The following NXPE3 variants were observed in gnomAD, a reference collection of about 807,000 sequenced individuals.
NXPE3 encodes neurexophilin and PC-esterase domain family member 3.
In NXPE3, 26 loss-of-function variants were observed where a neutral mutation model predicts 46.1. The ratio of observed to expected loss-of-function variants is 0.56; its 90% confidence interval spans 0.41 to 0.78. The LOEUF is 0.78. Among genes scored for constraint, NXPE3 ranks in the 30% least tolerant of loss-of-function variants. NXPE3 has a pLI of 0.00. For missense variants in NXPE3, 620 were observed against 686.0 expected, an observed-to-expected ratio of 0.90 and a Z score of 1.07; for synonymous variants, 272 against 257.9, an observed-to-expected ratio of 1.05 and a Z score of -0.52.
intron 6 of NXPE3, among the ~76,000 whole-genome samples, chr3:101,810,204 A>G (rs1317809960): frequency 2.0e-5 from 3 of 152,212 alleles, no homozygotes; most frequent in Non-Finnish European, 2.9e-5. Context: ...AGTTTTCATT[A>G]GTACCTGTAA....
In NXPE3 at chr3:101,826,990, G is replaced by C. The variant is rs753593248; in HGVS notation, c.*5036G>C. On this transcript the variant is annotated 3_prime_UTR_variant, in exon 8 of 8. Coordinates refer to ENST00000273347, the MANE Select transcript of NXPE3 (RefSeq NM_145037.4). Reference sequence around the variant, plus strand: ...GGAGGTTGCAGTGAGCCGAGATCATGCCATTGCACTCTAGCCTGGGCAACG... The same window carrying C: ...GGAGGTTGCAGTGAGCCGAGATCATCCCATTGCACTCTAGCCTGGGCAACG... 1.3e-5 allele frequency: 2 copies of C among 152,270 alleles called. No individual in the cohort carries two copies. The highest frequency in any genetic ancestry group is 2.4e-5 in the African/African-American group (1 of 41,418). The allele number at this position is 152,270 out of a possible 1,614,324, so 9.4% of individuals were successfully genotyped here. A position where few individuals can be genotyped will look rare whatever the true frequency, so the allele number is the denominator to read the frequency against.
At chr3:101,790,172 A>G (rs927220674) in intron 4 of NXPE3, among the ~76,000 whole-genome samples, 4 of 152,160 alleles carry the variant, frequency 2.6e-5, no homozygotes, top group South Asian at 2.1e-4. Flanking sequence ...TATATATTCT[A>G]TGTGTACTGG....
At chr3:101,788,305 A>C (rs906515498) in intron 4 of NXPE3, among the ~76,000 whole-genome samples, 1 of 152,046 alleles carries the variant, frequency 6.6e-6, no homozygotes, top group Non-Finnish European at 1.5e-5. Flanking sequence ...ATGATTTGCA[A>C]ATATTTTCTC....
At chr3:101,799,142 G>A (rs1173896281) in intron 4 of NXPE3, among the ~76,000 whole-genome samples, 7 of 151,768 alleles carry the variant, frequency 4.6e-5, no homozygotes, top group Non-Finnish European at 8.8e-5. Flanking sequence ...GTCTTGCTAT[G>A]TTTCCCAGGT....
intron 6 of NXPE3, among the ~76,000 whole-genome samples, chr3:101,809,021 T>G (rs1941586784): frequency 6.6e-6 from 1 of 151,482 alleles, no homozygotes; most frequent in African/African-American, 2.4e-5. Flanking sequence ...CAGACTCGAC[T>G]GGCTTGCCCT....
chr3:101,818,442 A>T (rs953937449), intron 7 of NXPE3, among the ~76,000 whole-genome samples: 1 of 151,934 alleles, frequency 6.6e-6, no homozygotes, highest in Non-Finnish European at 1.5e-5. Flanking sequence ...AATTCTAATG[A>T]TGTAGCTTGG....
chr3:101,787,750 A>G (rs577713775), intron 4 of NXPE3, among the ~76,000 whole-genome samples: 2 of 152,368 alleles, frequency 1.3e-5, no homozygotes, highest in South Asian at 4.1e-4. Flanking sequence ...ATATTATTCA[A>G]CCTTAAAAAG....
chr3:101,818,091 C>T (rs1029564636), intron 7 of NXPE3, among the ~76,000 whole-genome samples: 6 of 152,008 alleles, frequency 3.9e-5, no homozygotes, highest in African/African-American at 1.5e-4. Flanking sequence ...CATGGTCTCA[C>T]TGTGTTGCTC....
intron 7 of NXPE3, among the ~76,000 whole-genome samples, chr3:101,818,741 ATATATATATATATTTTTTTTTTT>A (rs1560067316): frequency 1.4e-4 from 4 of 28,400 alleles, no homozygotes; most frequent in African/African-American, 5.4e-4. Context: ...ATATATATAT[ATATATATATATATTTTTTTTTTT>A]TTTTTTTTTT....
intron 5 of NXPE3, among the ~76,000 whole-genome samples, chr3:101,806,722 T>C (rs774248847): frequency 2.0e-5 from 3 of 152,174 alleles, no homozygotes; most frequent in Non-Finnish European, 4.4e-5. Flanking sequence ...AATGACAAAA[T>C]AGACATTCTT....
In NXPE3 at chr3:101,821,474, C is replaced by T. The variant is rs1342601868; in HGVS notation, c.1200C>T (p.Asn400=). 2 of 1,614,208 alleles carry T rather than the reference C, an allele frequency of 1.2e-6. No homozygotes were observed. The highest frequency in any genetic ancestry group is 2.2e-5 in the South Asian group (2 of 91,084). The part of the protein sequence containing the change: ...GPFLAVDQKH[N]ILLKYRCHGP... ...TCCTTGCAGTGGACCAGAAGCACAA[C>T]ATCCTGCTCAAATACCGCTGCCATG... The change falls in exon 8 of 8, where the codon AAC becomes AAT. Residue 400 remains asparagine (N), a synonymous_variant. Coordinates refer to ENST00000273347, the MANE Select transcript of NXPE3 (RefSeq NM_145037.4).
chr3:101,786,852 A>C (rs1319841020), intron 4 of NXPE3, among the ~76,000 whole-genome samples: 4 of 152,144 alleles, frequency 2.6e-5, no homozygotes, highest in African/African-American at 9.7e-5. Context: ...GTACATTCAC[A>C]TTGTTGTGCA....
intron 6 of NXPE3, among the ~76,000 whole-genome samples, chr3:101,808,531 GAAAC>G (rs1941535755): frequency 6.6e-6 from 1 of 152,056 alleles, no homozygotes; most frequent in Non-Finnish European, 1.5e-5. Context: ...TTACCATGTA[GAAAC>G]AAACCCTGTA....
In NXPE3 at chr3:101,785,493, T is replaced by C; in HGVS notation, c.-104T>C. ...AGGGTACTAGCAGGATAGAAGCAAA[T>C]GAAACTGAAAGCTCATCTGCAGCTC... On this transcript the variant is annotated 5_prime_UTR_variant, in exon 4 of 8. The change abolishes an upstream ATG in the 5' untranslated region. Transcript: ENST00000273347. 1.0e-6 allele frequency: 1 copy of C among 979,176 alleles called. No individual in the cohort carries two copies. Among genetic ancestry groups the C allele is most frequent in the Non-Finnish European group, 1.6e-6 (1 of 609,298 alleles). 60.7% of individuals were successfully genotyped at this position (979,176 alleles called of 1,614,324 possible). A position where few individuals can be genotyped will look rare whatever the true frequency, so the allele number is the denominator to read the frequency against.
chr3:101,802,386 A>T (rs533503456), intron 5 of NXPE3, among the ~76,000 whole-genome samples: 1 of 150,742 alleles, frequency 6.6e-6, no homozygotes, highest in African/African-American at 2.5e-5. Context: ...GGGAGGCTGA[A>T]ACGGGAGGAT....
chr3:101,794,338 A>G (rs1940697543), intron 4 of NXPE3, among the ~76,000 whole-genome samples: 1 of 152,192 alleles, frequency 6.6e-6, no homozygotes, highest in Admixed American at 6.5e-5. Context: ...TATTAACTAC[A>G]TAGGAGGAGC....
At chr3:101,798,601 TA>T (rs1162926785) in intron 4 of NXPE3, among the ~76,000 whole-genome samples, 108 of 126,712 alleles carry the variant, frequency 8.5e-4, no homozygotes, top group Middle Eastern at 4.0e-3. Flanking sequence ...TATATATATA[TA>T]TTTTTTTTTT....
chr3:101,792,358 A>G (rs34648996), intron 4 of NXPE3, among the ~76,000 whole-genome samples: 45,197 of 151,990 alleles, frequency 0.3, 7,009 homozygotes, highest in Non-Finnish European at 0.34. Context: ...CTGGGATGGT[A>G]TTGCCTAGGT....
chr3:101,791,065 C>G (rs1940490316), intron 4 of NXPE3, among the ~76,000 whole-genome samples: 1 of 152,056 alleles, frequency 6.6e-6, no homozygotes, highest in South Asian at 2.1e-4. Context: ...TTATTAAGCC[C>G]AGTACCCTCT....
Sources: allele counts gnomAD v4.1 joint callset (sites outside exome capture counted in the v4.1 genomes callset), GRCh38; gene constraint gnomAD v4.1.1; transcripts MANE v1.5; gene names NCBI Gene and HGNC (gene_info 2026-07-23, HGNC 2026-07-21).